Variants in KCNH7 observed in about 807,000 individuals in gnomAD.
The protein encoded by KCNH7 is voltage-gated inwardly rectifying potassium channel KCNH7.
KCNH7 carries 49 observed loss-of-function variants against 120.8 expected under a neutral mutation model. That is an observed-to-expected ratio of 0.41 (90% confidence interval 0.32 to 0.51). The LOEUF is 0.51. Ranked by LOEUF, KCNH7 falls within the 20% of genes least tolerant of loss-of-function variation. The pLI, the probability that KCNH7 is intolerant of heterozygous loss-of-function variation, is 0.38. For synonymous variants in KCNH7, 547 were observed against 516.1 expected, an observed-to-expected ratio of 1.06 and a Z score of -0.81; for missense variants, 1,097 against 1,446.6, an observed-to-expected ratio of 0.76 and a Z score of 3.92.
chr2:162,407,776 A>G (rs1212452454), intron 9 of KCNH7, among the ~76,000 whole-genome samples: 4 of 152,042 alleles, frequency 2.6e-5, no homozygotes, highest in Non-Finnish European at 5.9e-5. Flanking sequence ...TGGATGCTCT[A>G]CAAATAGTTC....
intron 6 of KCNH7, among the ~76,000 whole-genome samples, chr2:162,462,739 A>G (rs916771611): frequency 1.3e-5 from 2 of 151,958 alleles, no homozygotes; most frequent in African/African-American, 2.4e-5. Flanking sequence ...TGCAAGGTGT[A>G]TGGTCTGCAA....
intron 4 of KCNH7, among the ~76,000 whole-genome samples, chr2:162,517,456 A>G (rs183351950): frequency 1.3e-5 from 2 of 151,828 alleles, no homozygotes; most frequent in East Asian, 2.0e-4. Context: ...TATAATAAGC[A>G]TTAATTAATT....
chr2:162,767,663 T>C (rs573468908), intron 2 of KCNH7, among the ~76,000 whole-genome samples: 7 of 152,156 alleles, frequency 4.6e-5, no homozygotes, highest in Non-Finnish European at 7.4e-5. Flanking sequence ...GCTGTTTTTA[T>C]TATATACTAT....
At chr2:162,383,842 G>C (rs747894203) in intron 13 of KCNH7, among the ~76,000 whole-genome samples, 1 of 151,620 alleles carries the variant, frequency 6.6e-6, no homozygotes, top group Non-Finnish European at 1.5e-5. Context: ...CCATAACCTC[G>C]TTGGTTAGAT....
intron 6 of KCNH7, among the ~76,000 whole-genome samples, chr2:162,481,916 T>C (rs34737132): frequency 0.022 from 3,373 of 152,214 alleles, 68 homozygotes; most frequent in Non-Finnish European, 0.032. Context: ...GAAAATGAAA[T>C]AAACTCATTA....
intron 2 of KCNH7, among the ~76,000 whole-genome samples, chr2:162,704,828 G>T (rs1054906023): frequency 6.6e-6 from 1 of 152,128 alleles, no homozygotes; most frequent in South Asian, 2.1e-4. Flanking sequence ...AAACCTACAT[G>T]AATGTTTTTT....
chr2:162,521,864 C>T lies in KCNH7; in HGVS notation c.464-3706G>A, dbSNP rs145163781. On this transcript the variant is annotated intron_variant, in intron 3 of 15. Coordinates refer to ENST00000332142, the MANE Select transcript of KCNH7 (RefSeq NM_033272.4). ...AGATCTAATTCCTTGTATCTAACTACATTTTGGTGCCTATTACCTATCCCC... is the reference window on the plus strand; with the variant it reads ...AGATCTAATTCCTTGTATCTAACTATATTTTGGTGCCTATTACCTATCCCC... Among the ~76,000 whole-genome samples, 732 of 151,942 alleles carry T rather than the reference C, an allele frequency of 4.8e-3. 6 individuals carry two copies. The highest frequency in any genetic ancestry group is 0.013 in the Admixed American group (194 of 15,230).
intron 2 of KCNH7, among the ~76,000 whole-genome samples, chr2:162,610,327 AT>A (rs5835913): frequency 0.58 from 88,151 of 151,670 alleles, 26,496 homozygotes; most frequent in African/African-American, 0.72. Flanking sequence ...CTAAATGAGG[AT>A]TTTTTTTTCT....
intron 2 of KCNH7, among the ~76,000 whole-genome samples, chr2:162,721,877 G>A (rs1046603656): frequency 5.3e-5 from 8 of 151,608 alleles, no homozygotes; most frequent in East Asian, 1.9e-4. Flanking sequence ...AAATGATGGC[G>A]GAATAACTTT....
intron 7 of KCNH7, among the ~76,000 whole-genome samples, chr2:162,445,790 T>G (rs1444524812): frequency 6.6e-6 from 1 of 152,162 alleles, no homozygotes; most frequent in Non-Finnish European, 1.5e-5. Context: ...AAGTTTAATT[T>G]GGTGGGTAAA....
intron 6 of KCNH7, among the ~76,000 whole-genome samples, chr2:162,454,063 T>C (rs1688872671): frequency 6.6e-6 from 1 of 152,204 alleles, no homozygotes; most frequent in South Asian, 2.1e-4. Context: ...GCCTAGGTTT[T>C]CTTCTAGAGT....
chr2:162,622,033 T>C (rs1683381661), intron 2 of KCNH7, among the ~76,000 whole-genome samples: 1 of 152,246 alleles, frequency 6.6e-6, no homozygotes, highest in African/African-American at 2.4e-5. Flanking sequence ...TAGTTTGCTA[T>C]TCTATTTCTG....
chr2:162,518,738 G>C (rs968927543), intron 3 of KCNH7, among the ~76,000 whole-genome samples: 1 of 151,362 alleles, frequency 6.6e-6, no homozygotes, highest in African/African-American at 2.4e-5. Flanking sequence ...CATTCCATCT[G>C]GAATTCTTAA....
chr2:162,478,432 G>A (rs1689818474), intron 6 of KCNH7, among the ~76,000 whole-genome samples: 2 of 152,052 alleles, frequency 1.3e-5, no homozygotes, highest in Non-Finnish European at 2.9e-5. Context: ...TAATCTACTT[G>A]TTTGGAATAA....
intron 11 of KCNH7, 114 bp downstream of exon 11, chr2:162,396,626 G>T: frequency 1.4e-6 from 1 of 728,378 alleles, no homozygotes; most frequent in South Asian, 2.0e-5. Context: ...CAAATATTCA[G>T]AATTGGTAAA....
At chr2:162,725,035 AAAAG>A (rs1312999877) in intron 2 of KCNH7, among the ~76,000 whole-genome samples, 1 of 152,236 alleles carries the variant, frequency 6.6e-6, no homozygotes, top group Non-Finnish European at 1.5e-5. Flanking sequence ...TGTAATTTGA[AAAAG>A]AAAGTTCGTA....
chr2:162,612,703 T>A (rs911098680), intron 2 of KCNH7, among the ~76,000 whole-genome samples: 11 of 152,064 alleles, frequency 7.2e-5, no homozygotes, highest in Admixed American at 3.3e-4. Context: ...GAATACTATA[T>A]AATTTAGTGA....
intron 7 of KCNH7, among the ~76,000 whole-genome samples, chr2:162,442,984 T>A (rs1019035086): frequency 6.6e-6 from 1 of 152,344 alleles, no homozygotes; most frequent in Admixed American, 6.5e-5. Flanking sequence ...TATTCATCTA[T>A]GAACATATGA....
chr2:162,479,215 T>A (rs2105674353), intron 6 of KCNH7, among the ~76,000 whole-genome samples: 1 of 151,250 alleles, frequency 6.6e-6, no homozygotes, highest in South Asian at 2.1e-4. Flanking sequence ...CTTGAATATA[T>A]CTTATATTCA....
Sources: allele counts gnomAD v4.1 joint callset (sites outside exome capture counted in the v4.1 genomes callset), GRCh38; gene constraint gnomAD v4.1.1; transcripts MANE v1.5; gene names NCBI Gene and HGNC (gene_info 2026-07-23, HGNC 2026-07-21).